Variants in MACROD2 observed in about 807,000 individuals in gnomAD.
MACROD2 encodes ADP-ribose glycohydrolase MACROD2.
In MACROD2, 36 loss-of-function variants were observed where a neutral mutation model predicts 70.4. The ratio of observed to expected loss-of-function variants is 0.51; its 90% CI spans 0.39 to 0.68. The LOEUF is 0.68. Among genes scored for constraint, MACROD2 ranks in the 30% least tolerant of loss-of-function variants. The pLI is 0.00. For synonymous variants in MACROD2, 172 were observed against 178.8 expected, an observed-to-expected ratio of 0.96 and a Z score of 0.30; for missense variants, 496 against 538.4, an observed-to-expected ratio of 0.92 and a Z score of 0.78.
intron 12 of MACROD2, among the ~76,000 whole-genome samples, chr20:15,945,146 C>T (rs2065804578): frequency 6.6e-6 from 1 of 152,190 alleles, no homozygotes; most frequent in Admixed American, 6.5e-5. Context: ...AAATATTTAG[C>T]ATTAAAATCA....
intron 5 of MACROD2, among the ~76,000 whole-genome samples, chr20:14,927,059 T>A (rs1257491194): frequency 6.6e-6 from 1 of 152,170 alleles, no homozygotes; most frequent in African/African-American, 2.4e-5. Flanking sequence ...GTATTGTCAG[T>A]CATACAACTT....
chr20:15,472,666 C>T (rs541865965), intron 7 of MACROD2, among the ~76,000 whole-genome samples: 52 of 152,152 alleles, frequency 3.4e-4, no homozygotes, highest in Non-Finnish European at 7.5e-4. Flanking sequence ...ATATTTCCCA[C>T]CTTTTCCCCT....
At chr20:15,622,405 G>A (rs76150352) in intron 8 of MACROD2, among the ~76,000 whole-genome samples, 6,230 of 152,162 alleles carry the variant, frequency 0.041, 214 homozygotes, top group African/African-American at 0.089. Context: ...TCCAAAAAAT[G>A]GCATTACTAC....
chr20:14,427,340 G>A (rs993642200), intron 3 of MACROD2, among the ~76,000 whole-genome samples: 4 of 151,656 alleles, frequency 2.6e-5, no homozygotes, highest in South Asian at 2.1e-4. Context: ...AGGTACTTTC[G>A]CCTTCTAGTT....
intron 8 of MACROD2, among the ~76,000 whole-genome samples, chr20:15,618,146 G>T (rs1282037916): frequency 4.5e-4 from 43 of 94,826 alleles, no homozygotes; most frequent in African/African-American, 1.7e-3. Flanking sequence ...TACTGAAAAA[G>T]TCCTTTGGGC....
intron 3 of MACROD2, 76 bp from the exon 4 acceptor site, chr20:14,493,403 A>G: frequency 8.0e-7 from 1 of 1,256,272 alleles, no homozygotes; most frequent in Non-Finnish European, 1.2e-6. Context: ...TATTAGCTTT[A>G]TCTTGAATTA....
chr20:14,473,268 T>C (rs2084551191), intron 3 of MACROD2, among the ~76,000 whole-genome samples: 1 of 152,198 alleles, frequency 6.6e-6, no homozygotes, highest in South Asian at 2.1e-4. Flanking sequence ...TAACTGTAAC[T>C]TTATACTGGC....
chr20:14,198,596 T>C (rs2081453168), intron 3 of MACROD2, among the ~76,000 whole-genome samples: 1 of 152,234 alleles, frequency 6.6e-6, no homozygotes, highest in African/African-American at 2.4e-5. Flanking sequence ...ACCCAGGTCA[T>C]CAATCTTTGT....
chr20:15,586,388 T>A (rs2048602114), intron 8 of MACROD2, among the ~76,000 whole-genome samples: 1 of 152,242 alleles, frequency 6.6e-6, no homozygotes, highest in East Asian at 1.9e-4. Context: ...TCTTGAAACA[T>A]GAAGCTTGGT....
intron 13 of MACROD2, among the ~76,000 whole-genome samples, chr20:15,968,597 T>C (rs576141761): frequency 6.6e-6 from 1 of 151,826 alleles, no homozygotes; most frequent in East Asian, 1.9e-4. Flanking sequence ...CCCTTCATAA[T>C]TAGGATGAAA....
chr20:16,002,440 G>A (rs1283917025), intron 15 of MACROD2, among the ~76,000 whole-genome samples: 1 of 152,156 alleles, frequency 6.6e-6, no homozygotes, highest in Non-Finnish European at 1.5e-5. Context: ...GGTGAGCCCA[G>A]TGTAATCACA....
chr20:15,658,436 G>A lies in MACROD2; in HGVS notation c.645+158589G>A, dbSNP rs955759647. 3.0e-4 allele frequency among the ~76,000 whole-genome samples: 46 copies of A among 152,278 alleles called. 1 individual carries two copies. Among genetic ancestry groups the A allele is most frequent in the African/African-American group, 1.0e-3 (43 of 41,562 alleles). ...AATCATCCACTGGATAACAAAGGCA[G>A]TATCTGTTTTCTGGGCCTCATTGTT... On this transcript the variant is annotated intron_variant, in intron 8 of 17. Coordinates refer to ENST00000684519, the MANE Select transcript of MACROD2 (RefSeq NM_001351661.2).
chr20:15,648,602 T>A (rs1389917099), intron 8 of MACROD2, among the ~76,000 whole-genome samples: 2 of 152,332 alleles, frequency 1.3e-5, no homozygotes, highest in East Asian at 1.9e-4. Flanking sequence ...AGGGACTTTG[T>A]CATTTGTGTT....
At chr20:14,586,058 T>G (rs1437796267) in intron 4 of MACROD2, among the ~76,000 whole-genome samples, 1 of 152,138 alleles carries the variant, frequency 6.6e-6, no homozygotes, top group Admixed American at 6.6e-5. Context: ...TTGTGCTTAT[T>G]TTCTTGTTTT....
chr20:14,038,513 C>G (rs1234386928), intron 2 of MACROD2, among the ~76,000 whole-genome samples: 2 of 152,174 alleles, frequency 1.3e-5, no homozygotes, highest in Non-Finnish European at 2.9e-5. Context: ...GGGATTTGAA[C>G]CCAGACCTTC....
At chr20:15,066,843 C>T (rs1472865373) in intron 5 of MACROD2, among the ~76,000 whole-genome samples, 3 of 150,646 alleles carry the variant, frequency 2.0e-5, no homozygotes, top group Admixed American at 2.0e-4. Context: ...GACTGCACCA[C>T]TGCACTCCAT....
chr20:14,479,570 A>C (rs2084638776), intron 3 of MACROD2, among the ~76,000 whole-genome samples: 1 of 152,014 alleles, frequency 6.6e-6, no homozygotes, highest in African/African-American at 2.4e-5. Context: ...TGGGTTCTCT[A>C]ATCAGTTCAC....
chr20:14,941,944 C>T (rs906171734), intron 5 of MACROD2, among the ~76,000 whole-genome samples: 4 of 143,474 alleles, frequency 2.8e-5, no homozygotes, highest in African/African-American at 8.1e-5. Flanking sequence ...CCACCATGCC[C>T]GGCTATTTTT....
chr20:15,447,107 T>G (rs1285905970), intron 7 of MACROD2, among the ~76,000 whole-genome samples: 1 of 151,128 alleles, frequency 6.6e-6, no homozygotes, highest in Non-Finnish European at 1.5e-5. Context: ...GTATAGGAAG[T>G]ATCCCAGTGC....
Sources: gnomAD v4.1 joint callset for allele counts (sites outside exome capture counted in the v4.1 genomes callset) on GRCh38, gnomAD v4.1.1 for gene constraint, MANE v1.5 for transcripts, NCBI Gene and HGNC (gene_info 2026-07-23, HGNC 2026-07-21) for gene names.